The following SAMD12 variants were observed in gnomAD, a reference collection of about 807,000 sequenced individuals.
SAMD12 encodes the protein sterile alpha motif domain containing 12, also known as sterile alpha motif domain-containing protein 12.
A neutral mutation model predicts 15.0 loss-of-function variants in SAMD12; 9 were observed. That is an observed-to-expected ratio of 0.60 (90% confidence interval 0.36 to 1.05). The LOEUF is 1.05. SAMD12 is among the 50% of genes least tolerant of loss of function. SAMD12 has a pLI of 0.01. For missense variants in SAMD12, 230 were observed against 234.2 expected (o/e 0.98, Z 0.12); for synonymous variants, 86 against 90.1 (o/e 0.96, Z 0.25).
intron 2 of SAMD12, among the ~76,000 whole-genome samples, chr8:118,487,160 C>T (rs899960056): frequency 2.0e-4 from 30 of 152,160 alleles, no homozygotes; most frequent in African/African-American, 6.5e-4. Context: ...GGGGCTAGGA[C>T]ATGGTCAGCT....
At chr8:118,581,771 G>C (rs951949202) in intron 1 of SAMD12, among the ~76,000 whole-genome samples, 1 of 152,110 alleles carries the variant, frequency 6.6e-6, no homozygotes. Context: ...TGTGCAGATG[G>C]CAGGTATGTG....
intron 2 of SAMD12, among the ~76,000 whole-genome samples, chr8:118,473,317 T>A (rs1171783412): frequency 1.3e-5 from 2 of 152,176 alleles, no homozygotes; most frequent in African/African-American, 4.8e-5. Flanking sequence ...TTTCTTAACA[T>A]TTATTTTCAA....
chr8:118,213,613 T>C (rs1811890349), intron 4 of SAMD12, among the ~76,000 whole-genome samples: 2 of 152,196 alleles, frequency 1.3e-5, no homozygotes, highest in African/African-American at 4.8e-5. Flanking sequence ...ATTGTTGTTT[T>C]GAGCCTCTCC....
intron 4 of SAMD12, among the ~76,000 whole-genome samples, chr8:118,321,295 GTTTTTTTTTTTTTT>G (rs1816265667): frequency 1.1e-5 from 1 of 87,152 alleles, no homozygotes; most frequent in African/African-American, 6.8e-5. Context: ...TTTTTTTTTT[GTTTTTTTTTTTTTT>G]GGTTTTTTTT....
chr8:118,155,362 T>C, the SAMD12 span, among the ~76,000 whole-genome samples: 2 of 152,064 alleles, frequency 1.3e-5, no homozygotes, highest in Non-Finnish European at 2.9e-5. Context: ...ACAGTGTTTT[T>C]GGGGGGGTGG....
the SAMD12 span, among the ~76,000 whole-genome samples, chr8:118,161,829 T>C: frequency 6.6e-6 from 1 of 151,680 alleles, no homozygotes; most frequent in Non-Finnish European, 1.5e-5. Context: ...TCAATATCAT[T>C]CTGAAAAATG....
At chr8:118,603,027 G>A (rs2131301711) in intron 1 of SAMD12, among the ~76,000 whole-genome samples, 1 of 151,970 alleles carries the variant, frequency 6.6e-6, no homozygotes, top group Non-Finnish European at 1.5e-5. Context: ...CGAGGTCTTA[G>A]AAATTAAAAA....
intron 3 of SAMD12, among the ~76,000 whole-genome samples, chr8:118,428,199 C>G (rs1300082745): frequency 6.6e-6 from 1 of 152,112 alleles, no homozygotes; most frequent in African/African-American, 2.4e-5. Flanking sequence ...GTGCTTTCTT[C>G]TTGTCTCTGG....
intron 4 of SAMD12, among the ~76,000 whole-genome samples, chr8:118,212,111 T>A (rs1380666589): frequency 2.6e-5 from 4 of 151,972 alleles, no homozygotes; most frequent in Non-Finnish European, 4.4e-5. Flanking sequence ...TTTCATTAAA[T>A]CCAAGATACA....
At chr8:118,325,495 G>C (rs535824415) in intron 4 of SAMD12, among the ~76,000 whole-genome samples, 1 of 152,136 alleles carries the variant, frequency 6.6e-6, no homozygotes, top group East Asian at 1.9e-4. Flanking sequence ...GTGATATTTT[G>C]ACATATGTGT....
At chr8:118,329,823 A>G (rs1051407314) in intron 4 of SAMD12, among the ~76,000 whole-genome samples, 2 of 152,176 alleles carry the variant, frequency 1.3e-5, no homozygotes, top group African/African-American at 4.8e-5. Flanking sequence ...TTATGTCATC[A>G]TAATTGCAGA....
intron 2 of SAMD12, among the ~76,000 whole-genome samples, chr8:118,444,669 G>T (rs1822857792): frequency 6.6e-6 from 1 of 152,066 alleles, no homozygotes; most frequent in Non-Finnish European, 1.5e-5. Context: ...GTTCTCCAAG[G>T]TAAACTTGAA....
chr8:118,320,045 A>C (rs1208227436), intron 4 of SAMD12, among the ~76,000 whole-genome samples: 1 of 152,172 alleles, frequency 6.6e-6, no homozygotes, highest in African/African-American at 2.4e-5. Flanking sequence ...CTGTAAAGAA[A>C]CTGCAGAGTA....
rs531641421 is a variant in SAMD12 at position 118,286,659 on chromosome 8, G to T, written c.434-88927C>A. Among the ~76,000 whole-genome samples the T allele has an allele frequency of 2.0e-5, 3 of 152,288 alleles. No homozygotes were observed. The East Asian group carries it at 5.8e-4, about 29-fold the overall frequency. ...GGTAGGACCATGAAGCTTTGAATAG[G>T]GAGGGGATTGATCAGGGGAGGAAGA... On this transcript the variant is annotated intron_variant, in intron 4 of 4. Transcript: ENST00000409003.
chr8:118,421,966 C>T (rs764965920), intron 3 of SAMD12, among the ~76,000 whole-genome samples: 3 of 152,138 alleles, frequency 2.0e-5, no homozygotes, highest in Non-Finnish European at 4.4e-5. Flanking sequence ...AATGGGGTTT[C>T]TCCAAGAACA....
At chr8:118,197,465 G>T in exon 5 of SAMD12, 1 of 573,194 alleles carries the variant, frequency 1.7e-6, no homozygotes, top group South Asian at 2.3e-5. Context: ...TCCAGCTAAT[G>T]GTCTGCCAAT....
At chr8:118,522,913 G>C (rs1051965737) in intron 2 of SAMD12, among the ~76,000 whole-genome samples, 1 of 152,132 alleles carries the variant, frequency 6.6e-6, no homozygotes, top group Non-Finnish European at 1.5e-5. Context: ...TCCACACAAT[G>C]AATTTTGTTT....
At chr8:118,401,049 C>G (rs2515064) in intron 3 of SAMD12, among the ~76,000 whole-genome samples, 1 of 152,092 alleles carries the variant, frequency 6.6e-6, no homozygotes, top group Admixed American at 6.5e-5. Flanking sequence ...ACCATCCTTA[C>G]AATGATGTTA....
intron 2 of SAMD12, among the ~76,000 whole-genome samples, chr8:118,460,359 C>A (rs927511431): frequency 6.6e-6 from 1 of 152,116 alleles, no homozygotes; most frequent in African/African-American, 2.4e-5. Context: ...TGCCATGAAC[C>A]ATGCAATTTG....
Sources: allele counts gnomAD v4.1 joint callset (sites outside exome capture counted in the v4.1 genomes callset), GRCh38; gene constraint gnomAD v4.1.1; transcripts MANE v1.5; gene names NCBI Gene and HGNC (gene_info 2026-07-23, HGNC 2026-07-21).